The following ACO1 variants were observed in gnomAD, a reference collection of about 807,000 sequenced individuals.
ACO1 encodes cytoplasmic aconitate hydratase.
ACO1 carries 78 observed loss-of-function variants against 105.1 expected under a neutral mutation model. The observed-to-expected ratio is 0.74, with a 90% CI of 0.62 to 0.90. The LOEUF is 0.90. Ranked by LOEUF, ACO1 falls within the 40% of genes least tolerant of loss-of-function variation. The pLI, the probability that ACO1 is intolerant of heterozygous loss-of-function variation, is 0.00. For synonymous variants in ACO1, 364 were observed against 397.4 expected (o/e 0.92, Z 1.00); for missense variants, 965 against 1,111.1 (o/e 0.87, Z 1.87).
rs538766763 is a variant in ACO1, at chr9:32,437,950, G to GA, written c.2247+1559dup. On this transcript the variant is annotated intron_variant, in intron 18 of 20. Transcript: ENST00000309951. ...AAATAGAAGTGTTAAAAAGAGAACA[G>GA]AAAAAATGCAAGAGAGGAAATTATT... 3.9e-5 allele frequency among the ~76,000 whole-genome samples: 6 copies of GA among 151,960 alleles called. 1 individual carries two copies. The highest frequency in any genetic ancestry group is 2.6e-4 in the Admixed American group (4 of 15,264).
chr9:32,442,804 G>A (rs1563948131), intron 19 of ACO1, among the ~76,000 whole-genome samples: 1 of 152,132 alleles, frequency 6.6e-6, no homozygotes, highest in Non-Finnish European at 1.5e-5. Context: ...CAGACTTCAT[G>A]GGTCCAATTA....
At chr9:32,445,311 G>C (rs1373241400) in intron 19 of ACO1, among the ~76,000 whole-genome samples, 2 of 152,058 alleles carry the variant, frequency 1.3e-5, no homozygotes, top group East Asian at 1.9e-4. Flanking sequence ...GTCTATTCAG[G>C]GATTTGATTT....
chr9:32,450,740 C>CA lies in ACO1; in HGVS notation c.*629_*630insA. ...AAAAGAAATGTGAAGTTTTCTTTTA[C>CA]TATCTTTTCATTTATCAAGCAGAGA... On this transcript the variant is annotated 3_prime_UTR_variant, in exon 21 of 21. Transcript: ENST00000309951. 6.9e-6 allele frequency: 1 copy of CA among 145,838 alleles called. No individual in the cohort carries two copies. The highest frequency in any genetic ancestry group is 1.9e-4 in the East Asian group (1 of 5,142). 9.0% of individuals were successfully genotyped at this position (145,838 alleles called of 1,614,324 possible).
intron 6 of ACO1, 144 bp from the exon 7 acceptor site, chr9:32,418,894 A>G (rs982345953): frequency 3.9e-6 from 4 of 1,028,344 alleles, no homozygotes; most frequent in African/African-American, 3.3e-5. Flanking sequence ...TGGAGAAAAA[A>G]TAACTGCTCT....
chr9:32,430,312 C>T (rs957508251), intron 13 of ACO1, 106 bp from the exon 14 acceptor site: 1 of 1,191,806 alleles, frequency 8.4e-7, no homozygotes, highest in Non-Finnish European at 1.2e-6. Flanking sequence ...GAAAGGGCAG[C>T]TTAAAGGACT....
Position 32,416,480 on chromosome 9 carries a change from C to G in ACO1, c.405-1648C>G, listed in dbSNP as rs1587531861. ...TCTGCCCATCTTGCTCGGGCTGACTCACCGTCATCCTTCAGACCACATTGA... is the reference window on the plus strand; with the variant it reads ...TCTGCCCATCTTGCTCGGGCTGACTGACCGTCATCCTTCAGACCACATTGA... On this transcript the variant is annotated intron_variant, in intron 4 of 20. Coordinates refer to ENST00000309951, the MANE Select transcript of ACO1 (RefSeq NM_002197.3). Among the ~76,000 whole-genome samples, 3 of 152,110 alleles carry G rather than the reference C, an allele frequency of 2.0e-5. No individual in the cohort carries two copies. The South Asian group carries it at 6.2e-4, about 32-fold the overall frequency.
At chr9:32,435,947 A>C in intron 17 of ACO1, 1 of 520,274 alleles carries the variant, frequency 1.9e-6, no homozygotes, top group East Asian at 5.0e-5. Context: ...TTTATAGGCT[A>C]CCCTACTAAC....
chr9:32,446,951 T>TGTTA (rs1352381300), intron 19 of ACO1, among the ~76,000 whole-genome samples: 2 of 152,214 alleles, frequency 1.3e-5, no homozygotes, highest in Non-Finnish European at 2.9e-5. Flanking sequence ...AGAGATCCAT[T>TGTTA]GTTAGTCTGA....
Position 32,434,090 on chromosome 9 carries a change from C to T in ACO1, c.1956+258C>T, listed in dbSNP as rs117027698. The stretch of plus-strand genomic sequence containing the variant: ...CACCTGGACTTAAACCTAGTAGAGT[C>T]TGAGGGACTGTCCCAGGAGACCATC... On this transcript the variant is annotated intron_variant, in intron 16 of 20. Coordinates refer to ENST00000309951, the MANE Select transcript of ACO1 (RefSeq NM_002197.3). Among the ~76,000 whole-genome samples, 697 of 152,230 alleles carry T rather than the reference C, an allele frequency of 4.6e-3. 6 individuals carry two copies. Among genetic ancestry groups the T allele is most frequent in the South Asian group, 8.1e-3 (39 of 4,828 alleles).
At position 32,389,147 on chromosome 9, in the gene ACO1, T is replaced by TA. The variant is rs545927966; in HGVS notation, c.-23+4419dup. Among the ~76,000 whole-genome samples the TA allele has an allele frequency of 6.0e-3, 918 of 152,264 alleles. 6 individuals carry two copies. Among genetic ancestry groups the TA allele is most frequent in the Middle Eastern group, 0.01 (3 of 294 alleles). On this transcript the variant is annotated intron_variant, in intron 1 of 20. Coordinates refer to ENST00000309951, the MANE Select transcript of ACO1 (RefSeq NM_002197.3). ...AAATAGTGTTGTATAGTTTTTAAAC[T>TA]AAAAAAAGCATGTTACACAGCAGTA...
In ACO1 at chr9:32,388,286, C is replaced by T. The variant is rs939746531; in HGVS notation, c.-23+3551C>T. Among the ~76,000 whole-genome samples, 4 of 152,114 alleles carry T rather than the reference C, an allele frequency of 2.6e-5. No individual in the cohort carries two copies. The South Asian group carries it at 6.2e-4, about 24-fold the overall frequency. On this transcript the variant is annotated intron_variant, in intron 1 of 20. Coordinates refer to ENST00000309951, the MANE Select transcript of ACO1 (RefSeq NM_002197.3). ...GGCACCGTGGCTTACGCCTGTAATC[C>T]CAGCACTTTGAGAGTCCAGATCGCT...
chr9:32,384,778 G>A (rs1417373277), intron 1 of ACO1, 43 bp downstream of exon 1: 1 of 359,140 alleles, frequency 2.8e-6, no homozygotes, highest in Non-Finnish European at 5.7e-6. Context: ...AGGCGGGAGC[G>A]CCGTCCACCC....
At chr9:32,427,582 C>A (rs1822129050) in intron 12 of ACO1, 146 bp downstream of exon 12, 1 of 1,186,676 alleles carries the variant, frequency 8.4e-7, no homozygotes, top group African/African-American at 1.5e-5. Flanking sequence ...GACTTAAACC[C>A]TTACATTCCA....
chr9:32,449,511 GA>G (rs1822706988), intron 20 of ACO1, among the ~76,000 whole-genome samples: 2 of 152,156 alleles, frequency 1.3e-5, no homozygotes, highest in Admixed American at 1.3e-4. Context: ...GCAAGGTAAA[GA>G]TAAAGTGCCC....
In ACO1 at chr9:32,416,127, C is replaced by A. The variant is rs577776228; in HGVS notation, c.405-2001C>A. On this transcript the variant is annotated intron_variant, in intron 4 of 20. Coordinates refer to ENST00000309951, the MANE Select transcript of ACO1 (RefSeq NM_002197.3). ...TTTTTTTTTTTGAGATGGCGTCTTG[C>A]TTTGTCGCCCAAGTTGGAGTGCAGT... Among the ~76,000 whole-genome samples the A allele has an allele frequency of 1.4e-4, 20 of 144,468 alleles. No individual in the cohort carries two copies. In the East Asian group the frequency reaches 4.0e-3, roughly 29 times the overall value. The allele number at this position is 144,468 out of a possible 152,430, so 94.8% of individuals were successfully genotyped here.
In ACO1 at chr9:32,424,669, G is replaced by A. The variant is rs780288187; in HGVS notation, c.1188+4G>A. 2 of 1,602,786 alleles carry A rather than the reference G, an allele frequency of 1.2e-6. No homozygotes were observed. Among genetic ancestry groups the A allele is most frequent in the Middle Eastern group, 1.7e-4 (1 of 5,948 alleles). On this transcript the variant is annotated splice_donor_region_variant and intron_variant, in intron 10 of 20. Coordinates refer to ENST00000309951, the MANE Select transcript of ACO1 (RefSeq NM_002197.3). Reference sequence around the variant, plus strand: ...TGAGAGCTGCCTTGGAGCCAAGGTAGGGGCCTGCGGGAAGAGGTTGAATCC... The same window carrying A: ...TGAGAGCTGCCTTGGAGCCAAGGTAAGGGCCTGCGGGAAGAGGTTGAATCC...
chr9:32,450,959 T>C lies in ACO1; in HGVS notation c.*848T>C, dbSNP rs1405232175. 8.6e-5 allele frequency: 13 copies of C among 150,584 alleles called. No individual in the cohort carries two copies. Among genetic ancestry groups the C allele is most frequent in the African/African-American group, 3.2e-4 (13 of 40,016 alleles). The allele number at this position is 150,584 out of a possible 1,614,324, so 9.3% of individuals were successfully genotyped here. On this transcript the variant is annotated 3_prime_UTR_variant, in exon 21 of 21. Transcript: ENST00000309951. ...CTTCATATTCTCCCATTTTTACAAC[T>C]CTATCAGAACTGTACGGGTATAACG...
chr9:32,454,634 G>A lies in ACO1; in HGVS notation c.*4523G>A, dbSNP rs1365881664. 1 of 152,164 alleles carries A rather than the reference G, an allele frequency of 6.6e-6. No individual in the cohort carries two copies. Among genetic ancestry groups the A allele is most frequent in the African/African-American group, 2.4e-5 (1 of 41,442 alleles). 9.4% of individuals were successfully genotyped at this position (152,164 alleles called of 1,614,324 possible). Reference sequence around the variant, plus strand: ...CTAGAAATGCAATGACCAGCATTTGGGAGTCAGTCAAAAGATCCACTTCCT... The same window carrying A: ...CTAGAAATGCAATGACCAGCATTTGAGAGTCAGTCAAAAGATCCACTTCCT... On this transcript the variant is annotated 3_prime_UTR_variant, in exon 21 of 21. Coordinates refer to ENST00000309951, the MANE Select transcript of ACO1 (RefSeq NM_002197.3).
chr9:32,450,730 T>A lies in ACO1; in HGVS notation c.*619T>A, dbSNP rs2118595730. ...GATCCACATAAAAAGAAATGTGAAG[T>A]TTTCTTTTACTATCTTTTCATTTAT... On this transcript the variant is annotated 3_prime_UTR_variant, in exon 21 of 21. Transcript: ENST00000309951. 1 of 151,610 alleles carries A rather than the reference T, an allele frequency of 6.6e-6. No homozygotes were observed. Among genetic ancestry groups the A allele is most frequent in the East Asian group, 1.9e-4 (1 of 5,174 alleles). 9.4% of individuals were successfully genotyped at this position (151,610 alleles called of 1,614,324 possible).
Sources: gnomAD v4.1 joint callset for allele counts (sites outside exome capture counted in the v4.1 genomes callset) on GRCh38, gnomAD v4.1.1 for gene constraint, MANE v1.5 for transcripts, NCBI Gene and HGNC (gene_info 2026-07-23, HGNC 2026-07-21) for gene names.